The following B4GALNT1 variants were observed in gnomAD, a reference collection of about 807,000 sequenced individuals.
B4GALNT1 encodes the protein beta-1,4 N-acetylgalactosaminyltransferase 1.
A neutral mutation model predicts 55.2 loss-of-function variants in B4GALNT1; 43 were observed. The ratio of observed to expected loss-of-function variants is 0.78; its 90% confidence interval spans 0.61 to 1.00. B4GALNT1 has a LOEUF of 1.00. B4GALNT1 is among the 50% of genes least tolerant of loss of function. The pLI is 0.00. For synonymous variants in B4GALNT1, 305 were observed against 311.6 expected, an observed-to-expected ratio of 0.98 and a Z score of 0.22; for missense variants, 664 against 729.7, an observed-to-expected ratio of 0.91 and a Z score of 1.04.
In B4GALNT1 at chr12:57,628,719, G is replaced by T; in HGVS notation, c.996C>A (p.Phe332Leu). ...CAGCCTGCTAGCTGCACACCTTGCC[G>T]AAGGGCATGAGATAGTGTTCCACGT... is the stretch of plus-strand genomic sequence containing the variant. ...GPYVEHYLMP[F>L]GKGWFAGRNL... The change falls in exon 8 of 11, where the codon TTC becomes TTA. Residue 332 changes from phenylalanine to leucine, a missense_variant. Transcript: ENST00000341156. 6.2e-7 allele frequency: 1 copy of T among 1,614,198 alleles called. No homozygotes were observed. The highest frequency in any genetic ancestry group is 2.2e-5 in the East Asian group (1 of 44,884).
chr12:57,630,646 G>T, intron 4 of B4GALNT1, 128 bp from the exon 5 acceptor site: 1 of 1,127,562 alleles, frequency 8.9e-7, no homozygotes, highest in Non-Finnish European at 1.2e-6. Flanking sequence ...GGCCTCAGCA[G>T]GGCACACTGT....
At chr12:57,628,994 A>G (rs1332792116) in intron 7 of B4GALNT1, 54 bp downstream of exon 7, 12 of 1,593,224 alleles carry the variant, frequency 7.5e-6, no homozygotes, top group Non-Finnish European at 7.7e-6. Context: ...CCCTCTCCCA[A>G]CTTGCTCCCC....
chr12:57,624,209 C>T lies in B4GALNT1; in HGVS notation c.*2535G>A, dbSNP rs568720714. 8.0e-6 allele frequency: 8 copies of T among 996,178 alleles called. No individual in the cohort carries two copies. The East Asian group carries it at 2.0e-4, about 25-fold the overall frequency. The allele number at this position is 996,178 out of a possible 1,614,324, so 61.7% of individuals were successfully genotyped here. A position where few individuals can be genotyped will look rare whatever the true frequency, so the allele number is the denominator to read the frequency against. On this transcript the variant is annotated 3_prime_UTR_variant, in exon 11 of 11. Transcript: ENST00000341156. ...GGTCTTAAGTTCTGCAACCCACCCA[C>T]TCCCCCAGCAAACATAACTCCTAGT...
chr12:57,629,970 A>T, intron 6 of B4GALNT1, 182 bp downstream of exon 6: 1 of 1,537,656 alleles, frequency 6.5e-7, no homozygotes, highest in Non-Finnish European at 8.7e-7. Flanking sequence ...CCAGCCCCAG[A>T]TGAACAAAGG....
chr12:57,629,518 T>C (rs1885061810), intron 6 of B4GALNT1: 1 of 325,058 alleles, frequency 3.1e-6, no homozygotes, highest in South Asian at 8.8e-5. Flanking sequence ...ACAAAACTGA[T>C]AGCAACCTAG....
At chr12:57,631,616 C>A (rs1885216858) in intron 2 of B4GALNT1, among the ~76,000 whole-genome samples, 2 of 152,198 alleles carry the variant, frequency 1.3e-5, no homozygotes, top group African/African-American at 4.8e-5. Flanking sequence ...TACCCACCAA[C>A]CAGGACCCCA....
intron 8 of B4GALNT1, 41 bp downstream of exon 8, chr12:57,628,672 G>T: frequency 6.2e-7 from 1 of 1,610,756 alleles, no homozygotes; most frequent in South Asian, 1.1e-5. Context: ...CACCCCCTGC[G>T]GGAGTCCTCT....
At position 57,624,730 on chromosome 12, in the gene B4GALNT1, G is replaced by T. The variant is rs775075096; in HGVS notation, c.*2014C>A. On this transcript the variant is annotated 3_prime_UTR_variant, in exon 11 of 11. Transcript: ENST00000341156. ...GCCCCACCTTCTTCCCTAGGGTGTA[G>T]TGCCTGGCACTTGGACAGGCTGAGG... The T allele has an allele frequency of 3.5e-6, 3 of 855,628 alleles. No individual in the cohort carries two copies. Among genetic ancestry groups the T allele is most frequent in the Non-Finnish European group, 6.1e-6 (3 of 488,966 alleles). The allele number at this position is 855,628 out of a possible 1,614,324, so 53.0% of individuals were successfully genotyped here.
intron 8 of B4GALNT1, 113 bp downstream of exon 8, chr12:57,628,600 C>A: frequency 3.1e-6 from 4 of 1,282,882 alleles, no homozygotes; most frequent in Non-Finnish European, 4.4e-6. Flanking sequence ...TTAACAGGCA[C>A]CCCATGATTC....
At chr12:57,628,355 G>T in intron 8 of B4GALNT1, 93 bp from the exon 9 acceptor site, 2 of 1,561,266 alleles carry the variant, frequency 1.3e-6, no homozygotes, top group Non-Finnish European at 1.7e-6. Flanking sequence ...TTCTCAGCTT[G>T]TATTCTTCTC....
intron 10 of B4GALNT1, 74 bp from the exon 11 acceptor site, chr12:57,627,035 A>G: frequency 7.6e-7 from 1 of 1,319,056 alleles, no homozygotes; most frequent in East Asian, 2.5e-5. Context: ...AGAACTCTCA[A>G]ATTTAGGGTG....
chr12:57,627,798 C>A lies in B4GALNT1; in HGVS notation c.1204G>T (p.Val402Leu), dbSNP rs377044701. The change falls in exon 10 of 11, where the codon GTG (valine) becomes TTG (leucine). Residue 402 changes from valine to leucine, a missense_variant. By Grantham distance (32) the Val-to-Leu change is conservative. Transcript: ENST00000341156. ...FATTYRQLLS[V>L]EPGAPGLGNC... ...CCGAGGCCTGGGGCGCCGGGCTCCACGCTCAGCAGCTGCCGATAAGTGGTG... is the reference window on the plus strand; with the variant it reads ...CCGAGGCCTGGGGCGCCGGGCTCCAAGCTCAGCAGCTGCCGATAAGTGGTG... The A allele has an allele frequency of 2.5e-6, 4 of 1,596,828 alleles. No homozygotes were observed. Among genetic ancestry groups the A allele is most frequent in the Non-Finnish European group, 2.6e-6 (3 of 1,171,010 alleles).
At position 57,627,821 on chromosome 12, in the gene B4GALNT1, G is replaced by A. The variant is rs1190728959; in HGVS notation, c.1181C>T (p.Thr394Ile). Reference protein sequence around the residue: ...GAVREISGFATTYRQLLSVEP... With the variant: ...GAVREISGFAITYRQLLSVEP... Reference sequence around the variant, plus strand: ...CACGCTCAGCAGCTGCCGATAAGTGGTGGCAAAGCCGGAGATCTCGCGCAC... The same window carrying A: ...CACGCTCAGCAGCTGCCGATAAGTGATGGCAAAGCCGGAGATCTCGCGCAC... Residue 394 changes from threonine (T) to isoleucine (I), a missense_variant, in exon 10 of 11, where the codon ACC becomes ATC. Thr to Ile is a moderately conservative substitution (Grantham distance 89). Coordinates refer to ENST00000341156, the MANE Select transcript of B4GALNT1 (RefSeq NM_001478.5). 2 of 1,592,392 alleles carry A rather than the reference G, an allele frequency of 1.3e-6. No individual in the cohort carries two copies. The highest frequency in any genetic ancestry group is 1.3e-5 in the African/African-American group (1 of 74,728).
Position 57,626,007 on chromosome 12 carries a change from G to A in B4GALNT1, c.*737C>T. 2.7e-6 allele frequency: 1 copy of A among 366,014 alleles called. No individual in the cohort carries two copies. The highest frequency in any genetic ancestry group is 4.9e-6 in the Non-Finnish European group (1 of 204,650). 22.7% of individuals were successfully genotyped at this position (366,014 alleles called of 1,614,324 possible). On this transcript the variant is annotated 3_prime_UTR_variant, in exon 11 of 11. Transcript: ENST00000341156. ...CTCCTCTCTTCTCCAGGAGCTCACT[G>A]ACCCAAAGATTTGCACCGTGTGGGT...
Position 57,627,797 on chromosome 12 carries a change from A to G in B4GALNT1, c.1205T>C (p.Val402Ala). The change falls in exon 10 of 11, where the codon GTG becomes GCG. Residue 402 changes from valine (V) to alanine (A), a missense_variant. By Grantham distance (64) the Val-to-Ala change is moderately conservative. Coordinates refer to ENST00000341156, the MANE Select transcript of B4GALNT1 (RefSeq NM_001478.5). The stretch of plus-strand genomic sequence containing the variant: ...CCCGAGGCCTGGGGCGCCGGGCTCC[A>G]CGCTCAGCAGCTGCCGATAAGTGGT... ...FATTYRQLLS[V>A]EPGAPGLGNC... The G allele has an allele frequency of 6.3e-7, 1 of 1,597,350 alleles. No homozygotes were observed. Among genetic ancestry groups the G allele is most frequent in the Non-Finnish European group, 8.5e-7 (1 of 1,171,246 alleles).
chr12:57,628,185 G>A lies in B4GALNT1; in HGVS notation c.1080C>T (p.Val360=), dbSNP rs1274535363. ...TCTCCAGCCGCGTCCGCGCCGTGAA[G>A]ACGAAGTCGTCGTCCACCCACAGCA... ...KYVLWVDDDF[V]FTARTRLERL... is the part of the protein sequence containing the mutation. Residue 360 remains valine (V), a synonymous_variant, in exon 9 of 11, where the codon GTC becomes GTT. Coordinates refer to ENST00000341156, the MANE Select transcript of B4GALNT1 (RefSeq NM_001478.5). 4 of 1,614,278 alleles carry A rather than the reference G, an allele frequency of 2.5e-6. No individual in the cohort carries two copies. The highest frequency in any genetic ancestry group is 3.4e-6 in the Non-Finnish European group (4 of 1,180,052).
Position 57,625,347 on chromosome 12 carries a change from C to T in B4GALNT1, c.*1397G>A. On this transcript the variant is annotated 3_prime_UTR_variant, in exon 11 of 11. Coordinates refer to ENST00000341156, the MANE Select transcript of B4GALNT1 (RefSeq NM_001478.5). ...AGGGAGAGGGTAGGTTGAGGAGAAA[C>T]CCCTTAGCATCTCACTCATACCCTC... 6.2e-7 allele frequency: 1 copy of T among 1,614,014 alleles called. No homozygotes were observed. Among genetic ancestry groups the T allele is most frequent in the Non-Finnish European group, 8.5e-7 (1 of 1,179,976 alleles).
At position 57,632,295 on chromosome 12, in the gene B4GALNT1, G is replaced by A. The variant is rs1036573902; in HGVS notation, c.-1-162C>T. 6.7e-6 allele frequency: 5 copies of A among 749,674 alleles called. No individual in the cohort carries two copies. In the Admixed American group the frequency reaches 1.0e-4, roughly 15 times the overall value. 46.4% of individuals were successfully genotyped at this position (749,674 alleles called of 1,614,324 possible). ...TTGCACTGCCAGCCGCGGTTTTCCCGGTACCCCTCCCCTCACTTCCCAGGC... is the reference window on the plus strand; with the variant it reads ...TTGCACTGCCAGCCGCGGTTTTCCCAGTACCCCTCCCCTCACTTCCCAGGC... On this transcript the variant is annotated intron_variant, in intron 1 of 10. Transcript: ENST00000341156.
Position 57,628,814 on chromosome 12 carries a change from G to A in B4GALNT1, c.901C>T (p.Arg301Cys), listed in dbSNP as rs749711336. ...RLRALITSIR[R>C]FYPTVTVVIA... ...ACCACGGTAACCGTTGGGTAGAAGC[G>A]GCGGATACTGGTGATGAGAGCCCGT... The change falls in exon 8 of 11, where the codon CGC becomes TGC. Residue 301 changes from arginine to cysteine, a missense_variant. Transcript: ENST00000341156. The A allele has an allele frequency of 4.3e-6, 7 of 1,614,244 alleles. No homozygotes were observed. In the Middle Eastern group the frequency reaches 4.9e-4, roughly 114 times the overall value.
Sources: gnomAD v4.1 joint callset for allele counts (sites outside exome capture counted in the v4.1 genomes callset) on GRCh38, gnomAD v4.1.1 for gene constraint, MANE v1.5 for transcripts, NCBI Gene and HGNC (gene_info 2026-07-23, HGNC 2026-07-21) for gene names.